Variants in TIGAR observed in about 807,000 individuals in gnomAD.
TIGAR encodes fructose-2,6-bisphosphatase TIGAR.
Under a neutral mutation model 17.9 loss-of-function variants are expected in TIGAR, and 7 were observed. The observed-to-expected ratio is 0.39, with a 90% CI of 0.22 to 0.73. The LOEUF (loss-of-function observed/expected upper bound fraction) is 0.73. Among genes scored for constraint, TIGAR ranks in the 30% least tolerant of loss-of-function variants. TIGAR has a pLI of 0.42. For missense variants in TIGAR, 258 were observed against 327.4 expected (o/e 0.79, Z 1.64); for synonymous variants, 94 against 108.6 (o/e 0.87, Z 0.84).
rs995251355 is a variant in TIGAR, at chr12:4,353,629, A to G, written c.*938A>G. 2.0e-5 allele frequency: 3 copies of G among 152,304 alleles called. No individual in the cohort carries two copies. Among genetic ancestry groups the G allele is most frequent in the African/African-American group, 7.2e-5 (3 of 41,424 alleles). The allele number at this position is 152,304 out of a possible 1,614,324, so 9.4% of individuals were successfully genotyped here. On this transcript the variant is annotated 3_prime_UTR_variant, in exon 6 of 6. Transcript: ENST00000179259. ...AGGCGGGCGGATCACAAGGTCAGGAATTCTAGACCAGCCTGGCCAACAATG... is the reference window on the plus strand; with the variant it reads ...AGGCGGGCGGATCACAAGGTCAGGAGTTCTAGACCAGCCTGGCCAACAATG...
intron 3 of TIGAR, among the ~76,000 whole-genome samples, chr12:4,338,057 G>T (rs965587739): frequency 1.3e-5 from 2 of 152,162 alleles, no homozygotes; most frequent in Non-Finnish European, 2.9e-5. Flanking sequence ...TTGAACACAG[G>T]AGGCAGAGGT....
chr12:4,340,145 G>A (rs902144804), intron 3 of TIGAR, among the ~76,000 whole-genome samples: 1 of 152,158 alleles, frequency 6.6e-6, no homozygotes, highest in Non-Finnish European at 1.5e-5. Context: ...CAGATGATAG[G>A]ATCTTATATT....
intron 2 of TIGAR, among the ~76,000 whole-genome samples, chr12:4,333,513 A>T (rs561178617): frequency 6.6e-6 from 1 of 151,986 alleles, no homozygotes; most frequent in Admixed American, 6.6e-5. Context: ...TCTGTTGCCC[A>T]GGCTGGAGTG....
chr12:4,325,919 T>C (rs1025135341), intron 1 of TIGAR, among the ~76,000 whole-genome samples: 2 of 152,180 alleles, frequency 1.3e-5, no homozygotes, highest in Non-Finnish European at 2.9e-5. Context: ...CATGATTTGT[T>C]CCTCCTTTGT....
chr12:4,331,029 A>T (rs556230430), intron 1 of TIGAR, among the ~76,000 whole-genome samples: 1 of 122,970 alleles, frequency 8.1e-6, no homozygotes, highest in Non-Finnish European at 1.8e-5. Context: ...TCCACCTGCA[A>T]TTCACTTAAG....
In TIGAR at chr12:4,321,363, G is replaced by A. The variant is rs1397079635; in HGVS notation, c.32+60G>A. ...CTCTTCCTTGAGTGTGTTGGAGCGG[G>A]TGAAGGGAAAACGGGTCCACCACCC... On this transcript the variant is annotated intron_variant, in intron 1 of 5. Coordinates refer to ENST00000179259, the MANE Select transcript of TIGAR (RefSeq NM_020375.3). The surrounding 1 kb of genome is among the most constrained non-coding windows in gnomAD (Gnocchi z 5.2). 5.0e-6 allele frequency: 8 copies of A among 1,594,820 alleles called. No individual in the cohort carries two copies. The highest frequency in any genetic ancestry group is 5.9e-6 in the Non-Finnish European group (7 of 1,176,744).
intron 1 of TIGAR, chr12:4,324,478 A>G: frequency 4.4e-6 from 7 of 1,602,366 alleles, no homozygotes; most frequent in Non-Finnish European, 6.0e-6. Flanking sequence ...GTGACTGATC[A>G]TCTCCGGCTT....
intron 3 of TIGAR, among the ~76,000 whole-genome samples, chr12:4,340,708 A>C (rs1360537860): frequency 1.3e-5 from 2 of 152,218 alleles, no homozygotes; most frequent in African/African-American, 2.4e-5. Flanking sequence ...ACATAGACCA[A>C]TAGACCAGAA....
In TIGAR at chr12:4,359,506, A is replaced by G. The variant is rs763307500; in HGVS notation, c.*6815A>G. On this transcript the variant is annotated 3_prime_UTR_variant, in exon 6 of 6. Transcript: ENST00000179259. ...GTGTGCATGGTATTTAGAAACCAAGATCTCGGTGCCAGGGTGCTCATTGCT... is the reference window on the plus strand; with the variant it reads ...GTGTGCATGGTATTTAGAAACCAAGGTCTCGGTGCCAGGGTGCTCATTGCT... Among the ~76,000 whole-genome samples the G allele has an allele frequency of 6.6e-6, 1 of 152,040 alleles. No homozygotes were observed. The highest frequency in any genetic ancestry group is 1.5e-5 in the Non-Finnish European group (1 of 67,996).
chr12:4,327,601 G>GT (rs1020790273), intron 1 of TIGAR, among the ~76,000 whole-genome samples: 1 of 151,832 alleles, frequency 6.6e-6, no homozygotes, highest in African/African-American at 2.4e-5. Context: ...TTATGTTGTA[G>GT]TTTGTGTGCA....
chr12:4,334,996 T>C (rs1207144632), intron 2 of TIGAR, among the ~76,000 whole-genome samples: 1 of 152,126 alleles, frequency 6.6e-6, no homozygotes, highest in Non-Finnish European at 1.5e-5. Context: ...TCTGTGAAAT[T>C]CTTAGCTATT....
chr12:4,326,299 T>C (rs1404763700), intron 1 of TIGAR, among the ~76,000 whole-genome samples: 1 of 152,250 alleles, frequency 6.6e-6, no homozygotes, highest in African/African-American at 2.4e-5. Flanking sequence ...CAAGTCAGAC[T>C]TGGTTAAGGG....
Position 4,352,879 on chromosome 12 carries a change from A to G in TIGAR, c.*188A>G. 2 of 550,926 alleles carry G rather than the reference A, an allele frequency of 3.6e-6. No homozygotes were observed. The highest frequency in any genetic ancestry group is 3.3e-5 in the Admixed American group (1 of 30,470). 34.1% of individuals were successfully genotyped at this position (550,926 alleles called of 1,614,324 possible). A position where few individuals can be genotyped will look rare whatever the true frequency, so the allele number is the denominator to read the frequency against. On this transcript the variant is annotated 3_prime_UTR_variant, in exon 6 of 6. Coordinates refer to ENST00000179259, the MANE Select transcript of TIGAR (RefSeq NM_020375.3). ...TAGAATTAACTTATTTTGTCCAAGTACAGTTGGCATTTTCCAGAATAATTT... is the reference window on the plus strand; with the variant it reads ...TAGAATTAACTTATTTTGTCCAAGTGCAGTTGGCATTTTCCAGAATAATTT...
At chr12:4,347,206 T>C (rs1486270154) in intron 3 of TIGAR, among the ~76,000 whole-genome samples, 2 of 152,204 alleles carry the variant, frequency 1.3e-5, no homozygotes, top group Non-Finnish European at 2.9e-5. Flanking sequence ...AATGAAGTAC[T>C]TTTCAACCAC....
At chr12:4,345,557 T>C (rs1864770416) in intron 3 of TIGAR, among the ~76,000 whole-genome samples, 1 of 152,240 alleles carries the variant, frequency 6.6e-6, no homozygotes, top group African/African-American at 2.4e-5. Context: ...GCTAGCCATA[T>C]GTAGAAAGCT....
Position 4,359,738 on chromosome 12 carries a change from T to C in TIGAR, c.*7047T>C, listed in dbSNP as rs1864954466. Among the ~76,000 whole-genome samples, 1 of 152,174 alleles carries C rather than the reference T, an allele frequency of 6.6e-6. No individual in the cohort carries two copies. The highest frequency in any genetic ancestry group is 6.5e-5 in the Admixed American group (1 of 15,282). Reference sequence around the variant, plus strand: ...ATAATCTGGGAGTGGAATTGCTGAGTTATAGGTTATATGTTGGTGTATGTT... The same window carrying C: ...ATAATCTGGGAGTGGAATTGCTGAGCTATAGGTTATATGTTGGTGTATGTT... On this transcript the variant is annotated 3_prime_UTR_variant, in exon 6 of 6. Transcript: ENST00000179259.
At chr12:4,350,467 A>G (rs980164536) in intron 4 of TIGAR, among the ~76,000 whole-genome samples, 9 of 152,110 alleles carry the variant, frequency 5.9e-5, no homozygotes, top group African/African-American at 1.7e-4. Flanking sequence ...TGATTTTCCA[A>G]TTTAATAGCT....
At chr12:4,344,051 A>G (rs1001521995) in intron 3 of TIGAR, among the ~76,000 whole-genome samples, 4 of 152,222 alleles carry the variant, frequency 2.6e-5, no homozygotes, top group Non-Finnish European at 5.9e-5. Context: ...GGATATCACC[A>G]CAGATCCCAC....
At chr12:4,342,012 T>A (rs980681885) in intron 3 of TIGAR, among the ~76,000 whole-genome samples, 59 of 152,256 alleles carry the variant, frequency 3.9e-4, no homozygotes, top group Non-Finnish European at 7.1e-4. Flanking sequence ...AATGGCTAAC[T>A]AGAATAACCA....
Sources: gnomAD v4.1 joint callset for allele counts (sites outside exome capture counted in the v4.1 genomes callset) on GRCh38, gnomAD v4.1.1 for gene constraint, Gnocchi (gnomAD v3.1) non-coding constraint, MANE v1.5 for transcripts, NCBI Gene and HGNC (gene_info 2026-07-23, HGNC 2026-07-21) for gene names.